Variants in EIF2AK3 observed in about 807,000 individuals in gnomAD.
EIF2AK3 encodes the protein eukaryotic translation initiation factor 2 alpha kinase 3, also known as eukaryotic translation initiation factor 2-alpha kinase 3.
Under a neutral mutation model 113.5 loss-of-function variants are expected in EIF2AK3, and 50 were observed. The ratio of observed to expected loss-of-function variants is 0.44; its 90% CI spans 0.35 to 0.56. The LOEUF (loss-of-function observed/expected upper bound fraction) is 0.56, where lower values mean the gene tolerates loss of function less well. EIF2AK3 is among the 20% of genes least tolerant of loss of function. EIF2AK3 has a pLI of 0.00. For synonymous variants in EIF2AK3, 448 were observed against 495.4 expected (o/e 0.90, Z 1.27); for missense variants, 1,185 against 1,378.0 (o/e 0.86, Z 2.22).
At chr2:88,578,377 G>A (rs1674514677) in intron 11 of EIF2AK3, among the ~76,000 whole-genome samples, 1 of 151,442 alleles carries the variant, frequency 6.6e-6, no homozygotes, top group Non-Finnish European at 1.5e-5. Flanking sequence ...GTGAAACACT[G>A]TCTCTACTAA....
At chr2:88,627,818 C>T (rs1448487770), upstream of EIF2AK3, 2 of 152,854 alleles carry the variant, frequency 1.3e-5, no homozygotes, top group African/African-American at 4.8e-5. Flanking sequence ...GTGGATGTCC[C>T]TCAAAGGTCT....
rs1197600981 is a variant in EIF2AK3 at position 88,583,333 on chromosome 2, T to C, written c.1763+97A>G. The C allele has an allele frequency of 6.7e-6, 6 of 899,018 alleles. No homozygotes were observed. In the Admixed American group the frequency reaches 1.0e-4, roughly 15 times the overall value. The allele number at this position is 899,018 out of a possible 1,614,324, so 55.7% of individuals were successfully genotyped here. A position where few individuals can be genotyped will look rare whatever the true frequency, so the allele number is the denominator to read the frequency against. On this transcript the variant is annotated intron_variant, in intron 10 of 16. Transcript: ENST00000303236. ...TTTATTGAGGGTTAAGCCTATGTTT[T>C]ATTTTTCTAGATATCCACACATTAA...
In EIF2AK3 at chr2:88,617,560, C is replaced by T. The variant is rs375208863; in HGVS notation, c.309-3707G>A. On this transcript the variant is annotated intron_variant, in intron 1 of 16. Coordinates refer to ENST00000303236, the MANE Select transcript of EIF2AK3 (RefSeq NM_004836.7). ...CACGAGGTCAGGAGATCAAGACCATCCTGGCCAACGTGGTGAAACCCCATC... is the reference window on the plus strand; with the variant it reads ...CACGAGGTCAGGAGATCAAGACCATTCTGGCCAACGTGGTGAAACCCCATC... Among the ~76,000 whole-genome samples, 41 of 151,890 alleles carry T rather than the reference C, an allele frequency of 2.7e-4. No individual in the cohort carries two copies. In the South Asian group the frequency reaches 7.5e-3, roughly 28 times the overall value.
At chr2:88,589,402 C>T (rs1163847391) in intron 6 of EIF2AK3, among the ~76,000 whole-genome samples, 2 of 152,022 alleles carry the variant, frequency 1.3e-5, no homozygotes, top group Non-Finnish European at 2.9e-5. Flanking sequence ...ATGATGCAGA[C>T]TAGTTCAAAT....
chr2:88,558,485 G>A (rs907063870), intron 16 of EIF2AK3, among the ~76,000 whole-genome samples: 3 of 152,094 alleles, frequency 2.0e-5, no homozygotes, highest in Non-Finnish European at 4.4e-5. Context: ...CATCAAGTTT[G>A]CAAAATACAT....
intron 8 of EIF2AK3, among the ~76,000 whole-genome samples, chr2:88,587,171 C>A (rs531665448): frequency 7.4e-6 from 1 of 134,500 alleles, no homozygotes; most frequent in Non-Finnish European, 1.5e-5. Context: ...TGCCACTGCA[C>A]TCCAGCCTGG....
At chr2:88,590,788 G>C in intron 5 of EIF2AK3, 30 bp downstream of exon 5, 6 of 1,609,462 alleles carry the variant, frequency 3.7e-6, no homozygotes, top group Non-Finnish European at 5.1e-6. Context: ...AGGAAGAACC[G>C]TATTTTAAAT....
chr2:88,588,848 A>G lies in EIF2AK3; in HGVS notation c.1219T>C (p.Phe407Leu), dbSNP rs1558654210. Residue 407 changes from phenylalanine (F) to leucine (L), a missense_variant, in exon 7 of 17, where the codon TTT (phenylalanine) becomes CTT (leucine). Transcript: ENST00000303236. ...LQSSVRISEKFPSSPKALESV... is the reference protein window; with the variant it reads ...LQSSVRISEKLPSSPKALESV... ...TCCAAAGCCTTGGGACTTGAAGGAA[A>G]CTTTTCTGAAATTCTGACTGATGAC... is the stretch of plus-strand genomic sequence containing the variant. 2 of 1,613,842 alleles carry G rather than the reference A, an allele frequency of 1.2e-6. No homozygotes were observed. Among genetic ancestry groups the G allele is most frequent in the Non-Finnish European group, 1.7e-6 (2 of 1,179,866 alleles).
At chr2:88,614,283 TG>T (rs1410297659) in intron 1 of EIF2AK3, among the ~76,000 whole-genome samples, 3 of 152,144 alleles carry the variant, frequency 2.0e-5, no homozygotes, top group African/African-American at 7.2e-5. Flanking sequence ...CCATAACCCT[TG>T]CTCAGAATGG....
In EIF2AK3 at chr2:88,586,031, C is replaced by T; in HGVS notation, c.1460G>A (p.Arg487Lys). 6.2e-7 allele frequency: 1 copy of T among 1,614,036 alleles called. No individual in the cohort carries two copies. The highest frequency in any genetic ancestry group is 8.5e-7 in the Non-Finnish European group (1 of 1,179,962). The change falls in exon 9 of 17, where the codon AGG becomes AAG. Residue 487 changes from arginine (R) to lysine (K), a missense_variant. Arg to Lys is a conservative substitution (Grantham distance 26). This residue lies in a region of EIF2AK3 where 877 missense variants were observed against 1,024.2 expected (regional missense o/e 0.86). Transcript: ENST00000303236. ...CTGTGTGCTTCGTTTGTTCCTCTCC[C>T]TCTTGTAGTATGGTAGATAATAACC... ...DNGYYLPYYKRERNKRSTQIT... is the reference protein window; with the variant it reads ...DNGYYLPYYKKERNKRSTQIT...
intron 2 of EIF2AK3, among the ~76,000 whole-genome samples, chr2:88,609,490 T>C (rs1476937625): frequency 6.6e-6 from 1 of 152,218 alleles, no homozygotes; most frequent in Non-Finnish European, 1.5e-5. Context: ...CTTACAAATG[T>C]TCTTGATGAA....
At chr2:88,600,982 C>G (rs1328812778) in intron 2 of EIF2AK3, among the ~76,000 whole-genome samples, 2 of 152,056 alleles carry the variant, frequency 1.3e-5, no homozygotes, top group Non-Finnish European at 2.9e-5. Context: ...TTAATAAATC[C>G]CCATGTATCT....
At chr2:88,578,500 T>C (rs1002624564) in intron 11 of EIF2AK3, among the ~76,000 whole-genome samples, 9 of 151,964 alleles carry the variant, frequency 5.9e-5, no homozygotes, top group Admixed American at 6.6e-5. Flanking sequence ...CTGGCCAACA[T>C]AGTGAAACCC....
At position 88,571,002 on chromosome 2, in the gene EIF2AK3, C is replaced by T; in HGVS notation, c.2857G>A (p.Val953Ile). 1.9e-6 allele frequency: 3 copies of T among 1,614,162 alleles called. No homozygotes were observed. The highest frequency in any genetic ancestry group is 1.1e-5 in the South Asian group (1 of 91,080). The change falls in exon 14 of 17, where the codon GTT becomes ATT. Residue 953 changes from valine (V) to isoleucine (I), a missense_variant. By Grantham distance (29) the Val-to-Ile change is conservative. Transcript: ENST00000303236. ...GCAGTCACTAACCCAAAGTCTCCAACCTTGACCACATCATCCATTGTAAAG... is the reference window on the plus strand; with the variant it reads ...GCAGTCACTAACCCAAAGTCTCCAATCTTGACCACATCATCCATTGTAAAG... ...IFFTMDDVVKVGDFGLVTAMD... is the reference protein window; with the variant it reads ...IFFTMDDVVKIGDFGLVTAMD...
intron 15 of EIF2AK3, among the ~76,000 whole-genome samples, chr2:88,560,674 C>T (rs546025214): frequency 6.6e-6 from 1 of 151,046 alleles, no homozygotes; most frequent in East Asian, 1.9e-4. Context: ...TAGGTTAGAC[C>T]TGTTTTATTT....
intron 6 of EIF2AK3, among the ~76,000 whole-genome samples, chr2:88,589,930 G>A (rs1019439076): frequency 2.0e-5 from 3 of 152,014 alleles, no homozygotes; most frequent in East Asian, 1.9e-4. Flanking sequence ...AAGAATATGC[G>A]ACAGTAATTA....
At chr2:88,583,346 A>T in intron 10 of EIF2AK3, 84 bp downstream of exon 10, 1 of 980,830 alleles carries the variant, frequency 1.0e-6, no homozygotes, top group Non-Finnish European at 1.6e-6. Context: ...TTTTCTAGAT[A>T]TCCACACATT....
intron 1 of EIF2AK3, among the ~76,000 whole-genome samples, chr2:88,618,432 T>G (rs961457903): frequency 1.8e-4 from 27 of 152,340 alleles, no homozygotes; most frequent in African/African-American, 6.5e-4. Flanking sequence ...ATTCTCCTCA[T>G]GGCTTCATTC....
intron 2 of EIF2AK3, chr2:88,595,876 C>T (rs1164739404): frequency 1.6e-6 from 1 of 639,502 alleles, no homozygotes; most frequent in Admixed American, 2.4e-5. Flanking sequence ...CTGCCAATCA[C>T]TCCCAGGCCC....
Sources: allele counts gnomAD v4.1 joint callset (sites outside exome capture counted in the v4.1 genomes callset), GRCh38; gene constraint gnomAD v4.1.1; regional missense constraint gnomAD v4.1.1; transcripts MANE v1.5; gene names NCBI Gene and HGNC (gene_info 2026-07-23, HGNC 2026-07-21).